The following HAND1 variants were observed in gnomAD, a reference collection of about 807,000 sequenced individuals.
HAND1 encodes the protein heart- and neural crest derivatives-expressed protein 1.
Under a neutral mutation model 14.5 loss-of-function variants are expected in HAND1, and 10 were observed. The observed-to-expected ratio is 0.69, with a 90% CI of 0.42 to 1.17. HAND1 has a LOEUF of 1.17. Among genes scored for constraint, HAND1 ranks in the 50% most tolerant of loss-of-function variants. The pLI is 0.00. For synonymous variants in HAND1, 128 were observed against 127.1 expected (o/e 1.01, Z -0.05); for missense variants, 299 against 298.4 (o/e 1.00, Z -0.01).
At position 154,477,696 on chromosome 5, in the gene HAND1, T is replaced by G. The variant is rs1480179412; in HGVS notation, c.313A>C (p.Arg105=). The G allele has an allele frequency of 2.5e-6, 4 of 1,614,180 alleles. No homozygotes were observed. The highest frequency in any genetic ancestry group is 1.7e-4 in the Middle Eastern group (1 of 6,060). Residue 105 remains arginine (R), a synonymous_variant, in exon 1 of 2, where the codon AGA becomes CGA. Transcript: ENST00000231121. ...GCGCTGTTAATGCTCTCAGTGCGTC[T>G]CCGCTCCTTCTTGGGTCCTGAGCCT... is the stretch of plus-strand genomic sequence containing the variant. ...RKGSGPKKER[R]RTESINSAFA... is the part of the protein sequence containing the mutation.
rs894087466 is a variant in HAND1, at chr5:154,475,715, A to C, written c.*91T>G. Reference sequence around the variant, plus strand: ...CGGGATGCGTAGCACCAGTCGCCGGAGCCCAGAGCCTGGCGTTCGCCGCTG... The same window carrying C: ...CGGGATGCGTAGCACCAGTCGCCGGCGCCCAGAGCCTGGCGTTCGCCGCTG... On this transcript the variant is annotated 3_prime_UTR_variant, in exon 2 of 2. Transcript: ENST00000231121. The C allele has an allele frequency of 6.3e-6, 6 of 947,092 alleles. No individual in the cohort carries two copies. In the African/African-American group the frequency reaches 8.1e-5, roughly 13 times the overall value. 58.7% of individuals were successfully genotyped at this position (947,092 alleles called of 1,614,324 possible). A position where few individuals can be genotyped will look rare whatever the true frequency, so the allele number is the denominator to read the frequency against.
At chr5:154,476,141 G>A (rs1367586574) in intron 1 of HAND1, among the ~76,000 whole-genome samples, 5 of 152,158 alleles carry the variant, frequency 3.3e-5, no homozygotes, top group African/African-American at 1.2e-4. Context: ...AGCTTCGGGA[G>A]GTTTGGTAAG....
chr5:154,477,486 T>C lies in HAND1; in HGVS notation c.523A>G (p.Ser175Gly). 1 of 1,614,082 alleles carries C rather than the reference T, an allele frequency of 6.2e-7. No homozygotes were observed. The highest frequency in any genetic ancestry group is 8.5e-7 in the Non-Finnish European group (1 of 1,179,996). ...CTCACCAGCTCCCTTTTCCGCTTGC[T>C]CTCACGGCCGCCATCCGCCTTCTTG... Reference protein sequence around the residue: ...ELKKADGGRESKRKRELQQHE... With the variant: ...ELKKADGGREGKRKRELQQHE... Residue 175 changes from serine (S) to glycine (G), a missense_variant, in exon 1 of 2, where the codon AGC (serine) becomes GGC (glycine). By Grantham distance (56) the Ser-to-Gly change is moderately conservative. Transcript: ENST00000231121.
In HAND1 at chr5:154,477,648, T is replaced by C; in HGVS notation, c.361A>G (p.Ile121Val). Residue 121 changes from isoleucine to valine, a missense_variant, in exon 1 of 2, where the codon ATC (isoleucine) becomes GTC (valine). Coordinates refer to ENST00000231121, the MANE Select transcript of HAND1 (RefSeq NM_004821.3). The stretch of plus-strand genomic sequence containing the variant: ...TTGGTGTCGGCCGGCACGTTGGGGA[T>C]GCACTCGCGCAACTCCGCGAATGCG... ...NSAFAELRECIPNVPADTKLS... is the reference protein window; with the variant it reads ...NSAFAELRECVPNVPADTKLS... 1 of 1,614,234 alleles carries C rather than the reference T, an allele frequency of 6.2e-7. No homozygotes were observed. The highest frequency in any genetic ancestry group is 8.5e-7 in the Non-Finnish European group (1 of 1,180,050).
In HAND1 at chr5:154,477,958, G is replaced by A. The variant is rs1757575870; in HGVS notation, c.51C>T (p.His17=). ...YAHHHHHHHP[H]PAHPMLHEPF... ...GTTCGTGGAGCATGGGGTGCGCAGG[G>A]TGCGGGTGGTGATGGTGGTGATGGT... The change falls in exon 1 of 2, where the codon CAC becomes CAT. Residue 17 remains histidine (H), a synonymous_variant. Coordinates refer to ENST00000231121, the MANE Select transcript of HAND1 (RefSeq NM_004821.3). The A allele has an allele frequency of 6.3e-7, 1 of 1,598,250 alleles. No individual in the cohort carries two copies. Among genetic ancestry groups the A allele is most frequent in the Non-Finnish European group, 8.5e-7 (1 of 1,179,876 alleles).
In HAND1 at chr5:154,477,908, C is replaced by T; in HGVS notation, c.101G>A (p.Arg34His). 2 of 1,599,672 alleles carry T rather than the reference C, an allele frequency of 1.3e-6. No homozygotes were observed. The highest frequency in any genetic ancestry group is 8.5e-7 in the Non-Finnish European group (1 of 1,179,840). The change falls in exon 1 of 2, where the codon CGC (arginine) becomes CAC (histidine). Residue 34 changes from arginine (R) to histidine (H), a missense_variant. By Grantham distance (29) the Arg-to-His change is conservative. Coordinates refer to ENST00000231121, the MANE Select transcript of HAND1 (RefSeq NM_004821.3). ...GAAGTAGGGCCTTTCCTGATGACAG[C>T]GCGAGGCCGGACCGAAGAGGAAGGG... is the stretch of plus-strand genomic sequence containing the variant. ...HEPFLFGPASRCHQERPYFQS... is the reference protein window; with the variant it reads ...HEPFLFGPASHCHQERPYFQS...
Position 154,478,033 on chromosome 5 carries a change from C to T in HAND1, c.-25G>A. 1 of 1,596,622 alleles carries T rather than the reference C, an allele frequency of 6.3e-7. No individual in the cohort carries two copies. The highest frequency in any genetic ancestry group is 8.5e-7 in the Non-Finnish European group (1 of 1,179,766). On this transcript the variant is annotated 5_prime_UTR_variant, in exon 1 of 2. Transcript: ENST00000231121. The surrounding 1 kb of genome is among the most constrained non-coding windows in gnomAD (Gnocchi z 4.5). Reference sequence around the variant, plus strand: ...TGTTGGAGCGGCTACTGGCCTGCGCCGCCAGCCCTATTAACGCCGCTCCAT... The same window carrying T: ...TGTTGGAGCGGCTACTGGCCTGCGCTGCCAGCCCTATTAACGCCGCTCCAT...
chr5:154,477,585 A>T lies in HAND1; in HGVS notation c.424T>A (p.Tyr142Asn). 1 of 1,614,238 alleles carries T rather than the reference A, an allele frequency of 6.2e-7. No homozygotes were observed. Among genetic ancestry groups the T allele is most frequent in the Non-Finnish European group, 8.5e-7 (1 of 1,180,032 alleles). The change falls in exon 1 of 2, where the codon TAC becomes AAC. Residue 142 changes from tyrosine (Y) to asparagine (N), a missense_variant. Transcript: ENST00000231121. ...AGCACGTCCATCAGGTAGGCGATGTAGCTGGTGGCTAGGCGCAGAGTCTTG... is the reference window on the plus strand; with the variant it reads ...AGCACGTCCATCAGGTAGGCGATGTTGCTGGTGGCTAGGCGCAGAGTCTTG... ...KIKTLRLATSYIAYLMDVLAK... is the reference protein window; with the variant it reads ...KIKTLRLATSNIAYLMDVLAK...
At chr5:154,476,156 A>G (rs1757537972) in intron 1 of HAND1, among the ~76,000 whole-genome samples, 1 of 152,054 alleles carries the variant, frequency 6.6e-6, no homozygotes, top group South Asian at 2.1e-4. Context: ...GGTAAGGAAA[A>G]TGTTCTGCGT....
In HAND1 at chr5:154,475,109, G is replaced by T. The variant is rs1757520578; in HGVS notation, c.*697C>A. On this transcript the variant is annotated 3_prime_UTR_variant, in exon 2 of 2. Transcript: ENST00000231121. ...ATGAACAAACACCTGAGCACAACAG[G>T]CATGGTAGGTAGTTTAAATACATAA... 6.5e-6 allele frequency: 1 copy of T among 152,720 alleles called. No homozygotes were observed. The highest frequency in any genetic ancestry group is 6.5e-5 in the Admixed American group (1 of 15,290). 9.5% of individuals were successfully genotyped at this position (152,720 alleles called of 1,614,324 possible).
At position 154,475,703 on chromosome 5, in the gene HAND1, A is replaced by G; in HGVS notation, c.*103T>C. 1.2e-6 allele frequency: 1 copy of G among 849,908 alleles called. No individual in the cohort carries two copies. Among genetic ancestry groups the G allele is most frequent in the Non-Finnish European group, 2.0e-6 (1 of 502,364 alleles). The allele number at this position is 849,908 out of a possible 1,614,324, so 52.6% of individuals were successfully genotyped here. A position where few individuals can be genotyped will look rare whatever the true frequency, so the allele number is the denominator to read the frequency against. ...GCAGAAGCTCCGCGGGATGCGTAGCACCAGTCGCCGGAGCCCAGAGCCTGG... is the reference window on the plus strand; with the variant it reads ...GCAGAAGCTCCGCGGGATGCGTAGCGCCAGTCGCCGGAGCCCAGAGCCTGG... On this transcript the variant is annotated 3_prime_UTR_variant, in exon 2 of 2. Coordinates refer to ENST00000231121, the MANE Select transcript of HAND1 (RefSeq NM_004821.3).
chr5:154,477,742 G>T lies in HAND1; in HGVS notation c.267C>A (p.Gly89=), dbSNP rs779893795. ...AGCCTTTCCGCCGGCCAAGACGGCC[G>T]CCAAGCGCCTCCAGCCGCCCGGGGC... The part of the protein sequence containing the change: ...GQSPGRLEAL[G]GRLGRRKGSG... Residue 89 remains glycine, a synonymous_variant, in exon 1 of 2, where the codon GGC becomes GGA. Transcript: ENST00000231121. 3 of 1,612,328 alleles carry T rather than the reference G, an allele frequency of 1.9e-6. No homozygotes were observed. The highest frequency in any genetic ancestry group is 1.7e-5 in the Admixed American group (1 of 59,944).
chr5:154,475,778 T>C lies in HAND1; in HGVS notation c.*28A>G. The C allele has an allele frequency of 6.5e-7, 1 of 1,533,064 alleles. No homozygotes were observed. Among genetic ancestry groups the C allele is most frequent in the African/African-American group, 1.4e-5 (1 of 73,530 alleles). 95.0% of individuals were successfully genotyped at this position (1,533,064 alleles called of 1,614,324 possible). The stretch of plus-strand genomic sequence containing the variant: ...CCCGGGGCTTCAGGAGTGGCTGGCC[T>C]GGCCAGGTCCTCGGCGCGGGCCTCG... On this transcript the variant is annotated 3_prime_UTR_variant, in exon 2 of 2. Transcript: ENST00000231121.
Position 154,477,321 on chromosome 5 carries a change from A to G in HAND1, c.543+145T>C, listed in dbSNP as rs545910232. 75 of 712,782 alleles carry G rather than the reference A, an allele frequency of 1.1e-4. No homozygotes were observed. The African/African-American group carries it at 1.3e-3, about 12-fold the overall frequency. The allele number at this position is 712,782 out of a possible 1,614,324, so 44.2% of individuals were successfully genotyped here. ...TGCCTCCCTCCATGCACAGGATCGC[A>G]CGCTGTGACCAACCATCTCAGAACT... On this transcript the variant is annotated intron_variant, in intron 1 of 1. Coordinates refer to ENST00000231121, the MANE Select transcript of HAND1 (RefSeq NM_004821.3).
At position 154,475,529 on chromosome 5, in the gene HAND1, C is replaced by T. The variant is rs1757526792; in HGVS notation, c.*277G>A. 4.1e-6 allele frequency: 2 copies of T among 484,372 alleles called. No individual in the cohort carries two copies. Among genetic ancestry groups the T allele is most frequent in the Non-Finnish European group, 7.5e-6 (2 of 265,160 alleles). The allele number at this position is 484,372 out of a possible 1,614,324, so 30.0% of individuals were successfully genotyped here. A position where few individuals can be genotyped will look rare whatever the true frequency, so the allele number is the denominator to read the frequency against. The stretch of plus-strand genomic sequence containing the variant: ...CCCTTGGGTTCGACAGTCCCTCCTT[C>T]TTGCATGTTGCCGCCAAGGGCCGCC... On this transcript the variant is annotated 3_prime_UTR_variant, in exon 2 of 2. Coordinates refer to ENST00000231121, the MANE Select transcript of HAND1 (RefSeq NM_004821.3).
In HAND1 at chr5:154,475,661, C is replaced by A. The variant is rs1257516059; in HGVS notation, c.*145G>T. 1 of 675,520 alleles carries A rather than the reference C, an allele frequency of 1.5e-6. No homozygotes were observed. Among genetic ancestry groups the A allele is most frequent in the Non-Finnish European group, 2.7e-6 (1 of 369,824 alleles). 41.8% of individuals were successfully genotyped at this position (675,520 alleles called of 1,614,324 possible). ...GATCCAAGTGTGTGGTTGCAGCCGA[C>A]GACCTGCCGGCGCTCAGCAGAAGCT... On this transcript the variant is annotated 3_prime_UTR_variant, in exon 2 of 2. Coordinates refer to ENST00000231121, the MANE Select transcript of HAND1 (RefSeq NM_004821.3).
chr5:154,478,082 C>T lies in HAND1; in HGVS notation c.-74G>A, dbSNP rs1008861248. On this transcript the variant is annotated 5_prime_UTR_variant, in exon 1 of 2. Transcript: ENST00000231121. This position sits in a 1 kb window ranked among gnomAD's most constrained non-coding sequence, Gnocchi z 4.5. ...ATGCGCCCCAGAGACTGCCGGGGGCCACCTGTGGGCTCTGGAGCCACTACT... is the reference window on the plus strand; with the variant it reads ...ATGCGCCCCAGAGACTGCCGGGGGCTACCTGTGGGCTCTGGAGCCACTACT... 28 of 1,549,692 alleles carry T rather than the reference C, an allele frequency of 1.8e-5. No homozygotes were observed. The African/African-American group carries it at 3.5e-4, about 19-fold the overall frequency.
rs1346301899 is a variant in HAND1 at position 154,477,839 on chromosome 5, G to A, written c.170C>T (p.Pro57Leu). Residue 57 changes from proline (P) to leucine (L), a missense_variant, in exon 1 of 2, where the codon CCT (proline) becomes CTT (leucine). Pro to Leu is a moderately conservative substitution (Grantham distance 98, BLOSUM62 -3). Transcript: ENST00000231121. ...LSPADAAPDF[P>L]AGGPPPAAAA... ...GGCCGCGGGCGGCGGCCCGCCCGCA[G>A]GGAAGTCCGGGGCAGCGTCAGCCGG... is the stretch of plus-strand genomic sequence containing the variant. 1 of 1,600,098 alleles carries A rather than the reference G, an allele frequency of 6.2e-7. No homozygotes were observed. The highest frequency in any genetic ancestry group is 1.3e-5 in the African/African-American group (1 of 74,742).
chr5:154,478,123 G>T lies in HAND1; in HGVS notation c.-115C>A, dbSNP rs1478017242. 8.5e-7 allele frequency: 1 copy of T among 1,174,808 alleles called. No individual in the cohort carries two copies. The highest frequency in any genetic ancestry group is 1.2e-6 in the Non-Finnish European group (1 of 810,500). 72.8% of individuals were successfully genotyped at this position (1,174,808 alleles called of 1,614,324 possible). Reference sequence around the variant, plus strand: ...AGCCACTACTGGGCGCCGGCTTTGGGAGAGTCCGGGCAAGGCTGAAAATGA... The same window carrying T: ...AGCCACTACTGGGCGCCGGCTTTGGTAGAGTCCGGGCAAGGCTGAAAATGA... On this transcript the variant is annotated 5_prime_UTR_variant, in exon 1 of 2. Coordinates refer to ENST00000231121, the MANE Select transcript of HAND1 (RefSeq NM_004821.3). This position sits in a 1 kb window ranked among gnomAD's most constrained non-coding sequence, Gnocchi z 4.5.
Sources: allele counts gnomAD v4.1 joint callset (sites outside exome capture counted in the v4.1 genomes callset), GRCh38; gene constraint gnomAD v4.1.1; non-coding constraint Gnocchi (gnomAD v3.1); transcripts MANE v1.5; gene names NCBI Gene and HGNC (gene_info 2026-07-23, HGNC 2026-07-21).